IKZF2: variants seen among roughly 807,000 people sequenced by gnomAD.
IKZF2 encodes zinc finger protein Helios.
Under a neutral mutation model 49.2 loss-of-function variants are expected in IKZF2, and 15 were observed. That is an observed-to-expected ratio of 0.30 (90% confidence interval 0.20 to 0.47). The LOEUF is 0.47. Among genes scored for constraint, IKZF2 ranks in the 20% least tolerant of loss-of-function variants. IKZF2 has a pLI of 1.00. For synonymous variants in IKZF2, 227 were observed against 221.4 expected (o/e 1.03, Z -0.23); for missense variants, 567 against 664.6 (o/e 0.85, Z 1.61).
intron 4 of IKZF2, among the ~76,000 whole-genome samples, chr2:213,097,680 C>T (rs536242961): frequency 1.6e-4 from 24 of 152,002 alleles, no homozygotes; most frequent in Admixed American, 7.9e-4. Flanking sequence ...TCCTATATTA[C>T]GGGTGATTGT....
Position 213,000,665 on chromosome 2 carries a change from G to A in IKZF2, c.*6695C>T, listed in dbSNP as rs923286003. On this transcript the variant is annotated 3_prime_UTR_variant, in exon 9 of 9. Transcript: ENST00000434687. ...CTTACTTAAATTTGTATGAAAACAGGACTGCTCCAAATATTTTTAAAAAAA... is the reference window on the plus strand; with the variant it reads ...CTTACTTAAATTTGTATGAAAACAGAACTGCTCCAAATATTTTTAAAAAAA... 2.2e-5 allele frequency: 3 copies of A among 134,772 alleles called. No individual in the cohort carries two copies. The highest frequency in any genetic ancestry group is 7.8e-5 in the African/African-American group (3 of 38,404). 8.3% of individuals were successfully genotyped at this position (134,772 alleles called of 1,614,324 possible). A position where few individuals can be genotyped will look rare whatever the true frequency, so the allele number is the denominator to read the frequency against.
intron 4 of IKZF2, among the ~76,000 whole-genome samples, chr2:213,127,205 G>A (rs2060296080): frequency 6.6e-6 from 1 of 152,166 alleles, no homozygotes; most frequent in Non-Finnish European, 1.5e-5. Context: ...TAAATAAAAT[G>A]GGTATAAGGC....
chr2:213,090,725 T>C (rs1705213710), intron 4 of IKZF2, among the ~76,000 whole-genome samples: 1 of 152,088 alleles, frequency 6.6e-6, no homozygotes, highest in African/African-American at 2.4e-5. Context: ...GGGTGAATGC[T>C]GTGAACATGA....
At chr2:213,127,085 G>C (rs1313766731) in intron 4 of IKZF2, among the ~76,000 whole-genome samples, 1 of 152,146 alleles carries the variant, frequency 6.6e-6, no homozygotes, top group Non-Finnish European at 1.5e-5. Flanking sequence ...TGCTATTACA[G>C]GACACGGTTT....
intron 4 of IKZF2, among the ~76,000 whole-genome samples, chr2:213,106,784 ACT>A (rs1186385782): frequency 1.3e-5 from 2 of 152,150 alleles, no homozygotes; most frequent in Non-Finnish European, 2.9e-5. Flanking sequence ...CTCACTCATA[ACT>A]CTATTCTTCA....
chr2:213,132,749 T>C (rs1295903326), intron 4 of IKZF2, among the ~76,000 whole-genome samples: 1 of 152,176 alleles, frequency 6.6e-6, no homozygotes, highest in Non-Finnish European at 1.5e-5. Context: ...AAACACATCT[T>C]CTGAATTGCC....
chr2:213,133,724 A>AAATG (rs5838369), intron 4 of IKZF2, among the ~76,000 whole-genome samples: 142 of 151,384 alleles, frequency 9.4e-4, no homozygotes, highest in Non-Finnish European at 1.4e-3. Context: ...ATAAATAAAT[A>AAATG]AATAAATAAA....
At chr2:213,086,982 T>C (rs1475180733) in intron 4 of IKZF2, among the ~76,000 whole-genome samples, 3 of 152,112 alleles carry the variant, frequency 2.0e-5, no homozygotes, top group Admixed American at 1.3e-4. Flanking sequence ...GATCTCCCTG[T>C]TAATGCAATA....
rs1344013451 is a variant in IKZF2, at chr2:213,007,892, A to C, written c.1049T>G (p.Val350Gly). 8.1e-6 allele frequency: 13 copies of C among 1,613,472 alleles called. No homozygotes were observed. The highest frequency in any genetic ancestry group is 1.6e-4 in the Middle Eastern group (1 of 6,070). ...GACCTGAGAATAAGCTGAGCTTATA[A>C]CTGGGGCCACTTCAGCGATTGTGCT... is the stretch of plus-strand genomic sequence containing the variant. Reference protein sequence around the residue: ...PPSTIAEVAPVISSAYSQVYH... With the variant: ...PPSTIAEVAPGISSAYSQVYH... Residue 350 changes from valine to glycine, a missense_variant, in exon 9 of 9, where the codon GTT becomes GGT. Physicochemically the swap from Val to Gly is moderately radical, Grantham distance 109 (BLOSUM62 -3). Transcript: ENST00000434687.
intron 4 of IKZF2, among the ~76,000 whole-genome samples, chr2:213,139,355 C>T (rs527471892): frequency 1.2e-4 from 18 of 152,084 alleles, no homozygotes; most frequent in Admixed American, 3.9e-4. Context: ...AATAGCAATG[C>T]TATCTCTATT....
At position 213,074,327 on chromosome 2, in the gene IKZF2, G is replaced by A. The variant is rs147057415; in HGVS notation, c.140-17228C>T. 6.0e-3 allele frequency among the ~76,000 whole-genome samples: 918 copies of A among 152,252 alleles called. 7 individuals are homozygous for A. The highest frequency in any genetic ancestry group is 0.02 in the Middle Eastern group (6 of 294). Reference sequence around the variant, plus strand: ...GGATAGCCTACTTCATACCTAGGCCGTATGGTATATATTGCCTGTTGTTCC... The same window carrying A: ...GGATAGCCTACTTCATACCTAGGCCATATGGTATATATTGCCTGTTGTTCC... On this transcript the variant is annotated intron_variant, in intron 4 of 8. Coordinates refer to ENST00000434687, the MANE Select transcript of IKZF2 (RefSeq NM_001387220.1).
At chr2:213,034,651 C>T (rs547087914) in intron 6 of IKZF2, among the ~76,000 whole-genome samples, 6 of 152,220 alleles carry the variant, frequency 3.9e-5, no homozygotes, top group Admixed American at 2.0e-4. Flanking sequence ...AGGTGTGGTT[C>T]GTGGTATCCT....
At chr2:213,120,515 A>G (rs2060020254) in intron 4 of IKZF2, among the ~76,000 whole-genome samples, 1 of 152,240 alleles carries the variant, frequency 6.6e-6, no homozygotes. Context: ...AGATGAAGAC[A>G]AAAAGATAGA....
At chr2:213,128,279 C>T (rs2060335037) in intron 4 of IKZF2, among the ~76,000 whole-genome samples, 1 of 151,982 alleles carries the variant, frequency 6.6e-6, no homozygotes, top group Non-Finnish European at 1.5e-5. Flanking sequence ...AGCAAACGTG[C>T]CAAAAAATGA....
At chr2:213,133,343 G>C (rs73987813) in intron 4 of IKZF2, among the ~76,000 whole-genome samples, 18,263 of 152,058 alleles carry the variant, frequency 0.12, 2,006 homozygotes, top group African/African-American at 0.3. Flanking sequence ...TATCTGTCTA[G>C]GGGCCTCACA....
chr2:213,035,572 A>C (rs1271921132), intron 6 of IKZF2, among the ~76,000 whole-genome samples: 1 of 152,228 alleles, frequency 6.6e-6, no homozygotes, highest in African/African-American at 2.4e-5. Flanking sequence ...AACATCTGAA[A>C]GATAATAAGG....
At chr2:213,146,586 T>C (rs557157211) in intron 4 of IKZF2, among the ~76,000 whole-genome samples, 2 of 152,154 alleles carry the variant, frequency 1.3e-5, no homozygotes, top group African/African-American at 4.8e-5. Flanking sequence ...TATAAATTGC[T>C]TAAATTTCAG....
chr2:213,070,793 G>A (rs971636089), intron 4 of IKZF2, among the ~76,000 whole-genome samples: 3 of 152,042 alleles, frequency 2.0e-5, no homozygotes, highest in Non-Finnish European at 4.4e-5. Context: ...AGTCAACGAC[G>A]GTGTCCAGGT....
At chr2:213,026,365 A>G (rs1394443777) in intron 6 of IKZF2, among the ~76,000 whole-genome samples, 1 of 152,226 alleles carries the variant, frequency 6.6e-6, no homozygotes. Context: ...ATCTTATATT[A>G]TCTGTGACTT....
Sources: allele counts gnomAD v4.1 joint callset (sites outside exome capture counted in the v4.1 genomes callset), GRCh38; gene constraint gnomAD v4.1.1; transcripts MANE v1.5; gene names NCBI Gene and HGNC (gene_info 2026-07-23, HGNC 2026-07-21).